Variants in CEP250 observed in about 807,000 individuals in gnomAD.
The protein encoded by CEP250 is centrosomal protein 250, also known as centrosome-associated protein CEP250.
CEP250 carries 242 observed loss-of-function variants against 315.7 expected under a neutral mutation model. The observed-to-expected ratio is 0.77, with a 90% CI of 0.69 to 0.85. The LOEUF is 0.85. CEP250 is among the 40% of genes least tolerant of loss of function. The pLI, the probability that CEP250 is intolerant of heterozygous loss-of-function variation, is 0.00. For synonymous variants in CEP250, 1,088 were observed against 1,175.0 expected (o/e 0.93, Z 1.51); for missense variants, 2,515 against 2,886.4 (o/e 0.87, Z 2.95).
intron 24 of CEP250, 117 bp downstream of exon 24, chr20:35,494,774 A>C: frequency 1.7e-6 from 2 of 1,143,220 alleles, no homozygotes; most frequent in Admixed American, 4.6e-5. Context: ...TCTGGGATGT[A>C]CATGTAGCCA....
At position 35,460,064 on chromosome 20, in the gene CEP250, GC is replaced by G. The variant is rs2062720698; in HGVS notation, c.-144del. On this transcript the variant is annotated 5_prime_UTR_variant, in exon 3 of 35. Transcript: ENST00000397527. ...CCTCCAACCAGCAGAGAGGGATTGAGCTTCATTGAACTCAACAGAGCCAACA... is the reference window on the plus strand; with the variant it reads ...CCTCCAACCAGCAGAGAGGGATTGAGTTCATTGAACTCAACAGAGCCAACA... 2 of 152,134 alleles carry G rather than the reference GC, an allele frequency of 1.3e-5. No individual in the cohort carries two copies. The highest frequency in any genetic ancestry group is 4.8e-5 in the African/African-American group (2 of 41,420). The allele number at this position is 152,134 out of a possible 1,614,324, so 9.4% of individuals were successfully genotyped here.
At chr20:35,510,313 T>TCACCACC (rs1490045987) in intron 34 of CEP250, among the ~76,000 whole-genome samples, 29 of 152,212 alleles carry the variant, frequency 1.9e-4, no homozygotes, top group Non-Finnish European at 3.7e-4. Context: ...AGGCAGAAGA[T>TCACCACC]TCTAGGAGGA....
At chr20:35,467,943 C>CATTT (rs2062929396) in intron 9 of CEP250, among the ~76,000 whole-genome samples, 1 of 117,980 alleles carries the variant, frequency 8.5e-6, no homozygotes, top group Non-Finnish European at 1.7e-5. Flanking sequence ...AATATTACCT[C>CATTT]TTTTTTTTTT....
chr20:35,479,801 C>A, intron 19 of CEP250, 28 bp downstream of exon 19: 1 of 1,613,736 alleles, frequency 6.2e-7, no homozygotes, highest in African/African-American at 1.3e-5. Context: ...ATGGGATGCA[C>A]TCCATTCCAT....
At position 35,496,601 on chromosome 20, in the gene CEP250, G is replaced by T. The variant is rs759385715; in HGVS notation, c.3192G>T (p.Lys1064Asn). The T allele has an allele frequency of 7.4e-6, 12 of 1,614,012 alleles. No individual in the cohort carries two copies. The highest frequency in any genetic ancestry group is 9.3e-6 in the Non-Finnish European group (11 of 1,179,970). The change falls in exon 25 of 35, where the codon AAG becomes AAT. Residue 1064 changes from lysine to asparagine, a missense_variant. Coordinates refer to ENST00000397527, the MANE Select transcript of CEP250 (RefSeq NM_007186.6). ...KASLTLSLME[K>N]EQRLLVLQEA... The stretch of plus-strand genomic sequence containing the variant: ...GCCTGACTCTCTCACTGATGGAAAA[G>T]GAACAGAGACTCCTTGTTTTACAAG...
In CEP250 at chr20:35,497,866, C is replaced by T. The variant is rs2063886646; in HGVS notation, c.3454C>T (p.Leu1152=). ...LWAQEAKAAQ[L]QLRLRSTESQ... ...GGCCCAGGAAGCCAAGGCAGCCCAA[C>T]TACAGCTGCGACTGCGCAGCACAGA... The change falls in exon 26 of 35, where the codon CTA becomes TTA. Residue 1152 remains leucine, a synonymous_variant. Transcript: ENST00000397527. 1.9e-6 allele frequency: 3 copies of T among 1,595,252 alleles called. No homozygotes were observed. The highest frequency in any genetic ancestry group is 2.6e-6 in the Non-Finnish European group (3 of 1,171,116).
intron 5 of CEP250, 83 bp from the exon 6 acceptor site, chr20:35,465,660 C>A (rs1205185609): frequency 5.5e-6 from 5 of 906,446 alleles, no homozygotes; most frequent in Non-Finnish European, 8.2e-6. Flanking sequence ...AGAAAGTGGA[C>A]TGCCATGGAA....
chr20:35,462,540 A>G lies in CEP250; in HGVS notation c.173A>G (p.Lys58Arg), dbSNP rs995672495. ...CAGAGACAAGCAACCCTTGTGAGGA[A>G]GCTGCAGGCCAAGGTGAGGCAGCTG... ...AQQRQATLVRKLQAKVLQYRS... is the reference protein window; with the variant it reads ...AQQRQATLVRRLQAKVLQYRS... The change falls in exon 4 of 35, where the codon AAG becomes AGG. Residue 58 changes from lysine (K) to arginine (R), a missense_variant. Lys to Arg is a conservative substitution (Grantham distance 26). Coordinates refer to ENST00000397527, the MANE Select transcript of CEP250 (RefSeq NM_007186.6). 61 of 1,604,988 alleles carry G rather than the reference A, an allele frequency of 3.8e-5. No homozygotes were observed. The highest frequency in any genetic ancestry group is 5.1e-5 in the Admixed American group (3 of 58,756).
At position 35,504,330 on chromosome 20, in the gene CEP250, G is replaced by A; in HGVS notation, c.5961G>A (p.Gln1987=). 1 of 1,591,592 alleles carries A rather than the reference G, an allele frequency of 6.3e-7. No individual in the cohort carries two copies. Among genetic ancestry groups the A allele is most frequent in the Non-Finnish European group, 8.6e-7 (1 of 1,169,284 alleles). The part of the protein sequence containing the change: ...LQGKEQHLLE[Q]AELSRSLEAS... ...GGAAAGAGCAGCATCTCCTCGAGCAGGCAGAATTGAGCCGCAGTCTGGAGG... is the reference window on the plus strand; with the variant it reads ...GGAAAGAGCAGCATCTCCTCGAGCAAGCAGAATTGAGCCGCAGTCTGGAGG... The change falls in exon 30 of 35, where the codon CAG becomes CAA. Residue 1987 remains glutamine, a synonymous_variant. Transcript: ENST00000397527.
At position 35,475,589 on chromosome 20, in the gene CEP250, C is replaced by T. The variant is rs1383420557; in HGVS notation, c.1659C>T (p.His553=). ...TTCGGGAAGCCCTGGAGTCAAGTCA[C>T]CTGGAAGGGGAGTTACTGAGGCAAG... ...ITLREALESS[H]LEGELLRQEQ... is the part of the protein sequence containing the mutation. Residue 553 remains histidine, a synonymous_variant, in exon 15 of 35, where the codon CAC becomes CAT. Coordinates refer to ENST00000397527, the MANE Select transcript of CEP250 (RefSeq NM_007186.6). The T allele has an allele frequency of 3.1e-6, 5 of 1,614,156 alleles. No individual in the cohort carries two copies. Among genetic ancestry groups the T allele is most frequent in the Admixed American group, 1.7e-5 (1 of 60,014 alleles).
In CEP250 at chr20:35,467,517, G is replaced by A. The variant is rs1350569025; in HGVS notation, c.813G>A (p.Lys271=). ...GGAGCCAGGAGTTAATACAGCTGAA[G>A]AGTCAAGGGGATCTGGAGAAGGCTG... ...HERSQELIQL[K]SQGDLEKAEL... Residue 271 remains lysine (K), a synonymous_variant, in exon 9 of 35, where the codon AAG becomes AAA. Coordinates refer to ENST00000397527, the MANE Select transcript of CEP250 (RefSeq NM_007186.6). 1 of 1,614,118 alleles carries A rather than the reference G, an allele frequency of 6.2e-7. No homozygotes were observed. The highest frequency in any genetic ancestry group is 8.5e-7 in the Non-Finnish European group (1 of 1,180,020).
chr20:35,505,688 A>C (rs1033211194), intron 30 of CEP250, among the ~76,000 whole-genome samples: 2 of 150,688 alleles, frequency 1.3e-5, no homozygotes, highest in African/African-American at 4.9e-5. Context: ...TGAAGGGACC[A>C]GTAAGGAACT....
intron 20 of CEP250, among the ~76,000 whole-genome samples, chr20:35,485,822 G>GTTT (rs538827494): frequency 3.5e-5 from 4 of 115,420 alleles, no homozygotes; most frequent in African/African-American, 6.9e-5. Context: ...GCCTGGCTAA[G>GTTT]TTTTTTTTTT....
At chr20:35,476,234 T>A in intron 15 of CEP250, 1 of 446,378 alleles carries the variant, frequency 2.2e-6, no homozygotes, top group Middle Eastern at 6.3e-4. Flanking sequence ...ACAATCATAG[T>A]CATTTCTCTA....
At chr20:35,506,409 G>A (rs918673986) in intron 30 of CEP250, among the ~76,000 whole-genome samples, 5 of 152,162 alleles carry the variant, frequency 3.3e-5, no homozygotes, top group East Asian at 1.9e-4. Context: ...GTCAAGCACC[G>A]TGTCTTAGTC....
chr20:35,515,661 TA>T lies in CEP250; in HGVS notation c.*4036del, dbSNP rs2064428889. ...ATACCTTCAGCTGTCCACCCTGCAATACCTCACCTCCTGCCTTCTGACCCAG... is the reference window on the plus strand; with the variant it reads ...ATACCTTCAGCTGTCCACCCTGCAATCCTCACCTCCTGCCTTCTGACCCAG... On this transcript the variant is annotated 3_prime_UTR_variant, in exon 35 of 35. Coordinates refer to ENST00000397527, the MANE Select transcript of CEP250 (RefSeq NM_007186.6). 1 of 152,314 alleles carries T rather than the reference TA, an allele frequency of 6.6e-6. No homozygotes were observed. Among genetic ancestry groups the T allele is most frequent in the Admixed American group, 6.5e-5 (1 of 15,280 alleles). The allele number at this position is 152,314 out of a possible 1,614,324, so 9.4% of individuals were successfully genotyped here. A position where few individuals can be genotyped will look rare whatever the true frequency, so the allele number is the denominator to read the frequency against.
rs78542840 is a variant in CEP250, at chr20:35,511,303, C to T, written c.7066-60C>T. ...TTCAGAGAACACAGAGCAGGAAGAG[C>T]TGGGACAACTTCAGGGCCCTCAGCT... is the stretch of plus-strand genomic sequence containing the variant. On this transcript the variant is annotated intron_variant, in intron 34 of 34. Transcript: ENST00000397527. 428 of 1,427,002 alleles carry T rather than the reference C, an allele frequency of 3.0e-4. 1 individual carries two copies. The African/African-American group carries it at 5.2e-3, about 17-fold the overall frequency. The allele number at this position is 1,427,002 out of a possible 1,614,324, so 88.4% of individuals were successfully genotyped here.
At position 35,476,507 on chromosome 20, in the gene CEP250, C is replaced by G. The variant is rs766689248; in HGVS notation, c.1775C>G (p.Ala592Gly). ...GAAAACACCCTGAAGACAGAAGTAG[C>G]TGATCTTCGGGCTGCAGCTGTCAAG... ...SSENTLKTEV[A>G]DLRAAAVKLS... The change falls in exon 16 of 35, where the codon GCT (alanine) becomes GGT (glycine). Residue 592 changes from alanine to glycine, a missense_variant. By Grantham distance (60) the Ala-to-Gly change is moderately conservative. Transcript: ENST00000397527. 1 of 1,614,100 alleles carries G rather than the reference C, an allele frequency of 6.2e-7. No homozygotes were observed. The highest frequency in any genetic ancestry group is 1.7e-5 in the Admixed American group (1 of 60,028).
chr20:35,484,836 A>T (rs942786996), intron 20 of CEP250, among the ~76,000 whole-genome samples: 1 of 152,198 alleles, frequency 6.6e-6, no homozygotes, highest in Non-Finnish European at 1.5e-5. Context: ...CAAAGCAGCC[A>T]TATATAAACA....
Sources: allele counts gnomAD v4.1 joint callset (sites outside exome capture counted in the v4.1 genomes callset), GRCh38; gene constraint gnomAD v4.1.1; transcripts MANE v1.5; gene names NCBI Gene and HGNC (gene_info 2026-07-23, HGNC 2026-07-21).